The following LPP variants were observed in gnomAD, a reference collection of about 807,000 sequenced individuals.
LPP encodes lipoma-preferred partner.
Under a neutral mutation model 60.4 loss-of-function variants are expected in LPP, and 38 were observed. The ratio of observed to expected loss-of-function variants is 0.63; its 90% CI spans 0.49 to 0.83. LPP has a LOEUF of 0.83. Ranked by LOEUF, LPP falls within the 40% of genes least tolerant of loss-of-function variation. LPP has a pLI of 0.00. For missense variants in LPP, 902 were observed against 783.6 expected (o/e 1.15, Z -1.80); for synonymous variants, 328 against 290.8 (o/e 1.13, Z -1.30).
intron 6 of LPP, among the ~76,000 whole-genome samples, chr3:188,554,925 GGCA>G (rs1829105997): frequency 6.6e-6 from 1 of 152,098 alleles, no homozygotes; most frequent in Non-Finnish European, 1.5e-5. Context: ...CTGTGGGAGA[GGCA>G]TAGTAAACAT....
intron 8 of LPP, among the ~76,000 whole-genome samples, chr3:188,751,551 G>C (rs146266012): frequency 2.2e-4 from 34 of 152,294 alleles, no homozygotes; most frequent in African/African-American, 7.9e-4. Context: ...ATTTAATCAA[G>C]TTTCCTGCCT....
intron 9 of LPP, among the ~76,000 whole-genome samples, chr3:188,857,667 A>C (rs1475393746): frequency 8.5e-5 from 13 of 152,236 alleles, no homozygotes; most frequent in Non-Finnish European, 1.9e-4. Flanking sequence ...GCTTTTTCAC[A>C]AAATTCCCAG....
At chr3:188,551,313 T>A (rs563131461) in intron 6 of LPP, among the ~76,000 whole-genome samples, 120 of 152,200 alleles carry the variant, frequency 7.9e-4, no homozygotes, top group Non-Finnish European at 1.5e-3. Flanking sequence ...ACGAGAACAG[T>A]ATGGGGGAAA....
intron 9 of LPP, among the ~76,000 whole-genome samples, chr3:188,820,714 A>G (rs1753734312): frequency 6.6e-6 from 1 of 152,184 alleles, no homozygotes; most frequent in Non-Finnish European, 1.5e-5. Flanking sequence ...AGGATAATAC[A>G]TTTTCATTTT....
chr3:188,470,165 A>G (rs1390023796), intron 4 of LPP, among the ~76,000 whole-genome samples: 1 of 151,956 alleles, frequency 6.6e-6, no homozygotes, highest in Non-Finnish European at 1.5e-5. Context: ...CTATTTTTTT[A>G]TATATGTAAG....
intron 8 of LPP, among the ~76,000 whole-genome samples, chr3:188,717,818 G>T (rs1714673515): frequency 6.6e-6 from 1 of 151,946 alleles, no homozygotes; most frequent in Admixed American, 6.6e-5. Flanking sequence ...TAGTGTGTTT[G>T]TTTGTTTGTC....
At chr3:188,302,676 C>G (rs1750292487) in intron 2 of LPP, among the ~76,000 whole-genome samples, 1 of 152,134 alleles carries the variant, frequency 6.6e-6, no homozygotes, top group South Asian at 2.1e-4. Context: ...GCAAACAAAC[C>G]AATGAAATGC....
intron 4 of LPP, among the ~76,000 whole-genome samples, chr3:188,457,103 TAGAC>T (rs558302549): frequency 1.5e-3 from 222 of 152,298 alleles, no homozygotes; most frequent in African/African-American, 5.1e-3. Flanking sequence ...ACATGGGTGA[TAGAC>T]AGAGTAGTGA....
chr3:188,395,605 A>C (rs1051787625), intron 3 of LPP, among the ~76,000 whole-genome samples: 1 of 152,176 alleles, frequency 6.6e-6, no homozygotes, highest in African/African-American at 2.4e-5. Flanking sequence ...ACTTTAATTT[A>C]CAATAACAAT....
intron 8 of LPP, among the ~76,000 whole-genome samples, chr3:188,715,711 C>T (rs1012633782): frequency 2.1e-4 from 32 of 152,272 alleles, no homozygotes; most frequent in African/African-American, 7.5e-4. Context: ...AAGTAATACA[C>T]CCAGAGCCTC....
intron 4 of LPP, among the ~76,000 whole-genome samples, chr3:188,453,224 A>T (rs1796990956): frequency 6.6e-6 from 1 of 151,874 alleles, no homozygotes; most frequent in Non-Finnish European, 1.5e-5. Context: ...TGCCCCCTTG[A>T]TTCCTTGGCT....
rs901447590 is a variant in LPP at position 188,522,845 on chromosome 3, G to C, written c.307-1820G>C. 2.8e-5 allele frequency among the ~76,000 whole-genome samples: 4 copies of C among 145,194 alleles called. No individual in the cohort carries two copies. In the East Asian group the frequency reaches 6.1e-4, roughly 22 times the overall value. The stretch of plus-strand genomic sequence containing the variant: ...TATGTGTGTGTGTATGTGTGTGTAC[G>C]TGTGTGTATGTGTGTATATATATAT... On this transcript the variant is annotated intron_variant, in intron 5 of 11. Transcript: ENST00000617246.
intron 6 of LPP, among the ~76,000 whole-genome samples, chr3:188,593,265 A>G (rs1382071033): frequency 6.6e-6 from 1 of 150,710 alleles, no homozygotes; most frequent in African/African-American, 2.4e-5. Context: ...TATTTCTATA[A>G]TTCCAATTGT....
intron 6 of LPP, among the ~76,000 whole-genome samples, chr3:188,574,967 T>C (rs566340211): frequency 6.6e-6 from 1 of 152,180 alleles, no homozygotes; most frequent in African/African-American, 2.4e-5. Flanking sequence ...GTCTCTTCCT[T>C]GAGGGGAATC....
chr3:188,763,463 A>G (rs1254964013), intron 9 of LPP, among the ~76,000 whole-genome samples: 2 of 152,126 alleles, frequency 1.3e-5, no homozygotes, highest in Admixed American at 1.3e-4. Context: ...TGCACCAGTA[A>G]TGTCTGCAGC....
intron 1 of LPP, among the ~76,000 whole-genome samples, chr3:188,192,164 T>G (rs1403013914): frequency 6.6e-6 from 1 of 152,212 alleles, no homozygotes; most frequent in Non-Finnish European, 1.5e-5. Context: ...ATGTAGTACT[T>G]GATGTGCACA....
At chr3:188,287,825 C>T (rs946656042) in intron 2 of LPP, among the ~76,000 whole-genome samples, 4 of 152,096 alleles carry the variant, frequency 2.6e-5, no homozygotes, top group African/African-American at 9.7e-5. Flanking sequence ...ATATATTCAT[C>T]TCTGAAAAAA....
chr3:188,761,253 G>C (rs1439959618), intron 9 of LPP, among the ~76,000 whole-genome samples: 29 of 152,138 alleles, frequency 1.9e-4, no homozygotes, highest in Admixed American at 1.9e-3. Context: ...GCTTTACAAG[G>C]TTCACATTTA....
chr3:188,206,073 G>A (rs905759353), intron 1 of LPP, among the ~76,000 whole-genome samples: 3 of 152,186 alleles, frequency 2.0e-5, no homozygotes, highest in Admixed American at 1.3e-4. Context: ...CACGAGTCAC[G>A]AGATGTGACG....
Sources: gnomAD v4.1 joint callset for allele counts (sites outside exome capture counted in the v4.1 genomes callset) on GRCh38, gnomAD v4.1.1 for gene constraint, MANE v1.5 for transcripts, NCBI Gene and HGNC (gene_info 2026-07-23, HGNC 2026-07-21) for gene names.